The following COL4A2 variants were observed in gnomAD, a reference collection of about 807,000 sequenced individuals.
COL4A2 encodes the protein collagen type IV alpha 2 chain, also known as collagen alpha-2(IV) chain.
In COL4A2, 99 loss-of-function variants were observed where a neutral mutation model predicts 200.2. That is an observed-to-expected ratio of 0.49 (90% CI 0.42 to 0.58). COL4A2 has a LOEUF of 0.58. Ranked by LOEUF, COL4A2 falls within the 20% of genes least tolerant of loss-of-function variation. The probability of loss-of-function intolerance (pLI) is 0.00; values close to 1 mark genes in which losing one functional copy is unlikely to be tolerated. For missense variants in COL4A2, 1,950 were observed against 2,314.1 expected, an observed-to-expected ratio of 0.84 and a Z score of 3.23; for synonymous variants, 897 against 900.6, an observed-to-expected ratio of 1.00 and a Z score of 0.07.
chr13:110,434,968 G>T (rs183257345), intron 12 of COL4A2, among the ~76,000 whole-genome samples: 2 of 152,200 alleles, frequency 1.3e-5, no homozygotes, highest in Non-Finnish European at 2.9e-5. Context: ...CAGGCTTAAC[G>T]CAGCGCCACA....
At chr13:110,347,929 A>C (rs1423831555) in intron 3 of COL4A2, among the ~76,000 whole-genome samples, 1 of 152,244 alleles carries the variant, frequency 6.6e-6, no homozygotes, top group South Asian at 2.1e-4. Context: ...CCTCCTGGTT[A>C]TGTCTTGCCG....
At chr13:110,380,542 C>T (rs1431825974) in intron 4 of COL4A2, among the ~76,000 whole-genome samples, 3 of 152,204 alleles carry the variant, frequency 2.0e-5, no homozygotes, top group Admixed American at 1.3e-4. Flanking sequence ...TTTCTATGCA[C>T]ACACTCACAT....
chr13:110,393,690 C>T (rs538518601), intron 4 of COL4A2, among the ~76,000 whole-genome samples: 51 of 151,866 alleles, frequency 3.4e-4, no homozygotes, highest in African/African-American at 1.1e-3. Context: ...ACCAACCTGG[C>T]CAACATGGTG....
intron 3 of COL4A2, among the ~76,000 whole-genome samples, chr13:110,342,524 G>C (rs1393950385): frequency 6.6e-6 from 1 of 152,190 alleles, no homozygotes; most frequent in African/African-American, 2.4e-5. Context: ...CATGGACCAT[G>C]GATGCTGGGT....
At chr13:110,452,364 A>G (rs59111647) in intron 20 of COL4A2, among the ~76,000 whole-genome samples, 13,059 of 152,240 alleles carry the variant, frequency 0.086, 729 homozygotes, top group East Asian at 0.24. Flanking sequence ...GGGTTTCACC[A>G]TGTTATCCAG....
chr13:110,506,639 C>G lies in COL4A2; in HGVS notation c.4594+33C>G, dbSNP rs142200442. The G allele has an allele frequency of 3.3e-4, 515 of 1,566,962 alleles. 1 individual carries two copies. In the African/African-American group the frequency reaches 5.7e-3, roughly 17 times the overall value. On this transcript the variant is annotated intron_variant, in intron 46 of 47. Coordinates refer to ENST00000360467, the MANE Select transcript of COL4A2 (RefSeq NM_001846.4). ...CCTCCCACCCGGCCCCCGTTGCCTG[C>G]TCAGGGCTGGCCCGGAAGTGGCCAA...
intron 3 of COL4A2, among the ~76,000 whole-genome samples, chr13:110,356,004 G>T (rs545554625): frequency 3.9e-5 from 6 of 152,208 alleles, no homozygotes; most frequent in African/African-American, 1.4e-4. Context: ...GATCAGAAAG[G>T]GGAGAAAAGA....
Position 110,508,053 on chromosome 13 carries a change from G to T in COL4A2, c.4713G>T (p.Ala1571=). 6.2e-7 allele frequency: 1 copy of T among 1,614,206 alleles called. No individual in the cohort carries two copies. Among genetic ancestry groups the T allele is most frequent in the Non-Finnish European group, 8.5e-7 (1 of 1,180,038 alleles). ...AGTCCTACTGGCTCTCTACCACTGC[G>T]CCGCTGCCCATGATGCCCGTGGCCG... ...NDKSYWLSTT[A]PLPMMPVAED... The change falls in exon 47 of 48, where the codon GCG becomes GCT. Residue 1571 remains alanine (A), a synonymous_variant. Transcript: ENST00000360467. The surrounding 1 kb of genome is among the most constrained non-coding windows in gnomAD (Gnocchi z 6.1).
chr13:110,437,869 G>A, intron 13 of COL4A2, 133 bp from the exon 14 acceptor site: 2 of 778,590 alleles, frequency 2.6e-6, no homozygotes, highest in East Asian at 2.5e-5. Context: ...AGAGTCATGT[G>A]TTGTAATCAA....
At chr13:110,314,380 G>T (rs1477351206) in intron 3 of COL4A2, among the ~76,000 whole-genome samples, 2 of 152,224 alleles carry the variant, frequency 1.3e-5, no homozygotes, top group Non-Finnish European at 2.9e-5. Context: ...AGCAGATGTG[G>T]GCAGCAAGAG....
chr13:110,389,599 G>T (rs1044256719), intron 4 of COL4A2, among the ~76,000 whole-genome samples: 4 of 152,168 alleles, frequency 2.6e-5, no homozygotes, highest in Non-Finnish European at 5.9e-5. Flanking sequence ...ATCTCCCCAT[G>T]CAAGGGAAGA....
Position 110,503,425 on chromosome 13 carries a change from C to T in COL4A2, c.4082C>T (p.Thr1361Ile). Residue 1361 changes from threonine to isoleucine, a missense_variant, in exon 43 of 48, where the codon ACT becomes ATT. Coordinates refer to ENST00000360467, the MANE Select transcript of COL4A2 (RefSeq NM_001846.4). ...GGCTTCATGGGGAACACTGGACCCA[C>T]TGGGGCGGTGGGCGACAGAGGCCCC... The part of the protein sequence containing the change: ...EQGFMGNTGP[T>I]GAVGDRGPKG... 1 of 1,594,282 alleles carries T rather than the reference C, an allele frequency of 6.3e-7. No homozygotes were observed. Among genetic ancestry groups the T allele is most frequent in the Non-Finnish European group, 8.5e-7 (1 of 1,170,016 alleles).
rs757269303 is a variant in COL4A2, at chr13:110,502,834, G to A, written c.3878-287G>A. 390 of 348,624 alleles carry A rather than the reference G, an allele frequency of 1.1e-3. 7 individuals are homozygous for A. The highest frequency in any genetic ancestry group is 3.0e-4 in the Non-Finnish European group (58 of 191,106). 21.6% of individuals were successfully genotyped at this position (348,624 alleles called of 1,614,324 possible). ...GGGGGGAGAGGGACACGGGGAGTGC[G>A]TGTATAACGGGGACAGATTTCAGTT... On this transcript the variant is annotated intron_variant, in intron 41 of 47. Transcript: ENST00000360467.
At chr13:110,454,270 A>G (rs775645823) in intron 20 of COL4A2, among the ~76,000 whole-genome samples, 1 of 152,206 alleles carries the variant, frequency 6.6e-6, no homozygotes, top group Non-Finnish European at 1.5e-5. Context: ...AATGACTAAT[A>G]TATTAGAGAA....
intron 33 of COL4A2, 74 bp from the exon 34 acceptor site, chr13:110,485,580 AG>A: frequency 9.6e-7 from 1 of 1,045,532 alleles, no homozygotes; most frequent in Non-Finnish European, 1.4e-6. Context: ...AAATGCATCC[AG>A]GCTGCAAAAT....
intron 4 of COL4A2, among the ~76,000 whole-genome samples, chr13:110,375,650 C>G (rs1311775829): frequency 6.6e-6 from 1 of 152,074 alleles, no homozygotes; most frequent in Non-Finnish European, 1.5e-5. Flanking sequence ...GCCAACATGG[C>G]GAAACCTCTT....
At chr13:110,450,044 T>C (rs900405789) in intron 19 of COL4A2, among the ~76,000 whole-genome samples, 6 of 152,062 alleles carry the variant, frequency 3.9e-5, no homozygotes, top group African/African-American at 1.4e-4. Flanking sequence ...CACCTGTGGG[T>C]TGGGAAGAGA....
intron 45 of COL4A2, among the ~76,000 whole-genome samples, chr13:110,505,136 G>A (rs1883802684): frequency 6.6e-6 from 1 of 151,326 alleles, no homozygotes; most frequent in Non-Finnish European, 1.5e-5. Context: ...GGATCACAAG[G>A]GCAGGAGATC....
At chr13:110,312,063 A>G (rs1197488158) in intron 3 of COL4A2, among the ~76,000 whole-genome samples, 1 of 152,236 alleles carries the variant, frequency 6.6e-6, no homozygotes, top group Non-Finnish European at 1.5e-5. Flanking sequence ...CGGGAAGGAC[A>G]ATTCTTTCCT....
Sources: gnomAD v4.1 joint callset for allele counts (sites outside exome capture counted in the v4.1 genomes callset) on GRCh38, gnomAD v4.1.1 for gene constraint, Gnocchi (gnomAD v3.1) non-coding constraint, MANE v1.5 for transcripts, NCBI Gene and HGNC (gene_info 2026-07-23, HGNC 2026-07-21) for gene names.